OR2L13: variants seen among roughly 807,000 people sequenced by gnomAD.
OR2L13 encodes the protein olfactory receptor family 2 subfamily L member 13.
Under a neutral mutation model 15.3 loss-of-function variants are expected in OR2L13, and 14 were observed. That is an observed-to-expected ratio of 0.91 (90% CI 0.60 to 1.43). OR2L13 has a LOEUF of 1.43. Ranked by LOEUF, OR2L13 falls within the 40% of genes most tolerant of loss-of-function variation. The pLI is 0.00. For synonymous variants in OR2L13, 152 were observed against 142.9 expected (o/e 1.06, Z -0.45); for missense variants, 367 against 387.9 (o/e 0.95, Z 0.45).
At chr1:248,095,613 T>TTTTTTTTTTTTTTTTTTTTTTTTTTTTG (rs1664718825), upstream of OR2L13, among the ~76,000 whole-genome samples, 1 of 95,596 alleles carries the variant, frequency 1.0e-5, no homozygotes, top group Non-Finnish European at 2.2e-5. Flanking sequence ...GCTGCTTTTT[T>TTTTTTTTTTTTTTTTTTTTTTTTTTTTG]TTTTTTTTTT....
chr1:248,044,832 A>C, the OR2L13 span, among the ~76,000 whole-genome samples: 24 of 83,564 alleles, frequency 2.9e-4, 3 homozygotes, highest in African/African-American at 9.3e-4. Flanking sequence ...AAAAAAAAAA[A>C]AAAAAAACGC....
chr1:247,994,748 T>C, the OR2L13 span, among the ~76,000 whole-genome samples: 2 of 152,170 alleles, frequency 1.3e-5, no homozygotes, highest in African/African-American at 4.8e-5. Flanking sequence ...GGGTTTTAAG[T>C]GTTCTTAGTA....
the OR2L13 span, among the ~76,000 whole-genome samples, chr1:247,940,666 C>G: frequency 6.6e-6 from 1 of 151,620 alleles, no homozygotes; most frequent in Non-Finnish European, 1.5e-5. Context: ...AATAGTGCAG[C>G]AATGAACATA....
At chr1:247,937,946 C>T in the OR2L13 span, among the ~76,000 whole-genome samples, 1 of 151,984 alleles carries the variant, frequency 6.6e-6, no homozygotes, top group Non-Finnish European at 1.5e-5. Flanking sequence ...TAAATGTTAA[C>T]CATATTTTGG....
chr1:248,017,832 T>A, the OR2L13 span, among the ~76,000 whole-genome samples: 1 of 152,288 alleles, frequency 6.6e-6, no homozygotes, highest in South Asian at 2.1e-4. Flanking sequence ...CACAATGTCA[T>A]ACAAACTTGC....
chr1:248,072,373 G>A, the OR2L13 span, among the ~76,000 whole-genome samples: 1 of 152,182 alleles, frequency 6.6e-6, no homozygotes, highest in African/African-American at 2.4e-5. Flanking sequence ...AACAAGCAAT[G>A]GGGAAAGGAT....
the OR2L13 span, among the ~76,000 whole-genome samples, chr1:247,968,193 T>C: frequency 1.4e-4 from 22 of 152,280 alleles, no homozygotes; most frequent in South Asian, 3.7e-3. Context: ...AAGGAGAATA[T>C]GACTCCACTT....
the OR2L13 span, among the ~76,000 whole-genome samples, chr1:248,017,080 C>G: frequency 2.6e-5 from 4 of 152,274 alleles, no homozygotes; most frequent in Non-Finnish European, 5.9e-5. Flanking sequence ...GTGAAACTAT[C>G]ATCGGAATCT....
At chr1:248,043,516 A>G in the OR2L13 span, among the ~76,000 whole-genome samples, 1 of 152,188 alleles carries the variant, frequency 6.6e-6, no homozygotes, top group Non-Finnish European at 1.5e-5. Context: ...GTATTTCTCA[A>G]GCAGGCCAAC....
At chr1:247,990,990 C>G in the OR2L13 span, 1 of 1,511,666 alleles carries the variant, frequency 6.6e-7, no homozygotes, top group Non-Finnish European at 9.2e-7. Context: ...CGACCTGCAG[C>G]ACCCACCTCA....
chr1:247,943,260 A>G, the OR2L13 span, among the ~76,000 whole-genome samples: 1 of 152,154 alleles, frequency 6.6e-6, no homozygotes, highest in African/African-American at 2.4e-5. Context: ...AATAGTAGAC[A>G]CTGGGGACTC....
At chr1:248,094,991 G>A (rs184208066), upstream of OR2L13, among the ~76,000 whole-genome samples, 3 of 152,282 alleles carry the variant, frequency 2.0e-5, no homozygotes, top group Admixed American at 2.0e-4. Context: ...GCTGAATGCA[G>A]CAAAGTTGAT....
the OR2L13 span, among the ~76,000 whole-genome samples, chr1:248,045,246 GT>G: frequency 1.6e-4 from 24 of 152,232 alleles, no homozygotes; most frequent in Middle Eastern, 6.8e-3. Context: ...TTTTATTTAC[GT>G]TCCTCATTCT....
At chr1:248,038,196 G>A in the OR2L13 span, 3 of 1,102,664 alleles carry the variant, frequency 2.7e-6, no homozygotes, top group Admixed American at 2.1e-5. Flanking sequence ...TGCAGCCACT[G>A]TGGATAAAAG....
At chr1:247,968,072 G>T in the OR2L13 span, among the ~76,000 whole-genome samples, 1 of 151,978 alleles carries the variant, frequency 6.6e-6, no homozygotes, top group Non-Finnish European at 1.5e-5. Flanking sequence ...GGAGAAAGAG[G>T]AACAAACGTT....
At chr1:248,052,755 A>G in the OR2L13 span, among the ~76,000 whole-genome samples, 2 of 152,108 alleles carry the variant, frequency 1.3e-5, no homozygotes, top group South Asian at 4.2e-4. Context: ...ATCAGATTGT[A>G]TGAGTCTTTA....
the OR2L13 span, among the ~76,000 whole-genome samples, chr1:247,962,211 TA>T: frequency 6.6e-6 from 1 of 152,244 alleles, no homozygotes; most frequent in Non-Finnish European, 1.5e-5. Flanking sequence ...ATGAATTCTA[TA>T]ATTGTAAACT....
the OR2L13 span, among the ~76,000 whole-genome samples, chr1:248,070,388 C>A: frequency 1.1e-4 from 16 of 151,864 alleles, no homozygotes; most frequent in Non-Finnish European, 1.8e-4. Context: ...GGGTACATAA[C>A]GAAATGAAGG....
chr1:247,967,173 A>G, the OR2L13 span, among the ~76,000 whole-genome samples: 1 of 152,012 alleles, frequency 6.6e-6, no homozygotes, highest in Non-Finnish European at 1.5e-5. Context: ...TTCTCTTAAG[A>G]CACAATGCAC....
Sources: allele counts gnomAD v4.1 joint callset (sites outside exome capture counted in the v4.1 genomes callset), GRCh38; gene constraint gnomAD v4.1.1; transcripts MANE v1.5; gene names NCBI Gene and HGNC (gene_info 2026-07-23, HGNC 2026-07-21).